C12orf42: variants seen among roughly 807,000 people sequenced by gnomAD.
The protein encoded by C12orf42 is chromosome 12 open reading frame 42.
C12orf42 carries 25 observed loss-of-function variants against 21.6 expected under a neutral mutation model. The ratio of observed to expected loss-of-function variants is 1.16; its 90% CI spans 0.84 to 1.62. The LOEUF (loss-of-function observed/expected upper bound fraction) is 1.62. C12orf42 is among the 40% of genes most tolerant of loss of function. The pLI is 0.00. For synonymous variants in C12orf42, 174 were observed against 175.0 expected (o/e 0.99, Z 0.05); for missense variants, 483 against 459.3 (o/e 1.05, Z -0.47).
intron 10 of C12orf42, among the ~76,000 whole-genome samples, chr12:103,243,772 G>T (rs1000759257): frequency 6.6e-6 from 1 of 152,094 alleles, no homozygotes; most frequent in Non-Finnish European, 1.5e-5. Flanking sequence ...GACAAAGTCA[G>T]GTCACTTGTG....
At chr12:103,468,625 G>A (rs149821961) in intron 2 of C12orf42, among the ~76,000 whole-genome samples, 11 of 151,946 alleles carry the variant, frequency 7.2e-5, no homozygotes, top group Non-Finnish European at 1.5e-4. Flanking sequence ...AGGAGGCAGC[G>A]ACTTTAGAAT....
intron 2 of C12orf42, among the ~76,000 whole-genome samples, chr12:103,474,784 G>T (rs960436862): frequency 6.6e-6 from 1 of 152,090 alleles, no homozygotes; most frequent in African/African-American, 2.4e-5. Flanking sequence ...CAAAGCCAGG[G>T]TTTACAAAAT....
the C12orf42 span, among the ~76,000 whole-genome samples, chr12:103,531,471 T>C: frequency 6.6e-6 from 1 of 152,146 alleles, no homozygotes; most frequent in African/African-American, 2.4e-5. Context: ...CTGTTTCCCT[T>C]GAATACAGTT....
At chr12:103,436,227 G>C (rs1002933264) in intron 2 of C12orf42, among the ~76,000 whole-genome samples, 5 of 149,902 alleles carry the variant, frequency 3.3e-5, no homozygotes, top group African/African-American at 1.2e-4. Context: ...CACCAGGCCT[G>C]CCCTAAAAGA....
chr12:103,506,495 CTT>C, the C12orf42 span, among the ~76,000 whole-genome samples: 1 of 151,768 alleles, frequency 6.6e-6, no homozygotes, highest in East Asian at 1.9e-4. Context: ...TGTACGTTTT[CTT>C]TGTTTAGATA....
the C12orf42 span, among the ~76,000 whole-genome samples, chr12:103,082,510 T>G: frequency 6.6e-6 from 1 of 152,246 alleles, no homozygotes; most frequent in Non-Finnish European, 1.5e-5. Context: ...CCTTGATTTA[T>G]TCAATAAATA....
chr12:103,547,452 G>A, the C12orf42 span, among the ~76,000 whole-genome samples: 7 of 152,200 alleles, frequency 4.6e-5, no homozygotes, highest in African/African-American at 1.4e-4. Context: ...GGTCGTGATT[G>A]TCTAAATTTA....
At chr12:103,254,282 A>T (rs1411206065) in intron 10 of C12orf42, among the ~76,000 whole-genome samples, 3 of 152,172 alleles carry the variant, frequency 2.0e-5, no homozygotes, top group Non-Finnish European at 4.4e-5. Flanking sequence ...AGATCAGGTA[A>T]CAAACCTGCA....
the C12orf42 span, among the ~76,000 whole-genome samples, chr12:103,204,176 G>A: frequency 6.6e-5 from 10 of 152,134 alleles, no homozygotes; most frequent in African/African-American, 2.2e-4. Context: ...AAATAACCTT[G>A]CTAATAGCCA....
the C12orf42 span, among the ~76,000 whole-genome samples, chr12:103,058,489 T>C: frequency 1.3e-5 from 2 of 152,214 alleles, no homozygotes; most frequent in African/African-American, 4.8e-5. Flanking sequence ...GTGGACCAAA[T>C]AGAAATCTAC....
chr12:103,235,870 T>C (rs1457250185), downstream of C12orf42, among the ~76,000 whole-genome samples: 6 of 152,162 alleles, frequency 3.9e-5, no homozygotes, highest in South Asian at 4.1e-4. Flanking sequence ...GCTTAAGACA[T>C]ATGCATGCAC....
At chr12:103,165,164 AC>A in the C12orf42 span, among the ~76,000 whole-genome samples, 2 of 152,208 alleles carry the variant, frequency 1.3e-5, no homozygotes, top group East Asian at 3.8e-4. Context: ...TATTTATGCC[AC>A]CTGAATCAAC....
At chr12:103,197,280 T>C in the C12orf42 span, among the ~76,000 whole-genome samples, 1,649 of 152,310 alleles carry the variant, frequency 0.011, 26 homozygotes, top group African/African-American at 0.037. Context: ...CTGCTAAAAG[T>C]TCTGATGTTA....
the C12orf42 span, among the ~76,000 whole-genome samples, chr12:103,191,570 A>AAAAAAAAAAC: frequency 1.9e-4 from 25 of 129,128 alleles, no homozygotes; most frequent in African/African-American, 6.5e-4. Context: ...AAAAAAAAAA[A>AAAAAAAAAAC]AAAATACAAA....
At chr12:103,521,874 C>T in the C12orf42 span, among the ~76,000 whole-genome samples, 4 of 152,154 alleles carry the variant, frequency 2.6e-5, no homozygotes, top group African/African-American at 9.7e-5. Flanking sequence ...TTGCTGTCTG[C>T]TCAAATAAAC....
At chr12:103,460,286 GA>G (rs1314677844) in intron 2 of C12orf42, among the ~76,000 whole-genome samples, 49 of 150,780 alleles carry the variant, frequency 3.2e-4, no homozygotes, top group African/African-American at 1.1e-3. Flanking sequence ...AAAAAAAAGA[GA>G]GAGAGAGAGA....
intron 4 of C12orf42, among the ~76,000 whole-genome samples, chr12:103,341,644 C>CA (rs1187622536): frequency 6.6e-6 from 1 of 152,136 alleles, no homozygotes; most frequent in Non-Finnish European, 1.5e-5. Flanking sequence ...AAGTAATACT[C>CA]ACAATGTAAG....
At chr12:103,357,084 G>A (rs2043643940) in intron 4 of C12orf42, among the ~76,000 whole-genome samples, 1 of 145,344 alleles carries the variant, frequency 6.9e-6, no homozygotes, top group Non-Finnish European at 1.5e-5. Flanking sequence ...ACTCATAGGT[G>A]GGAATTGAAC....
the C12orf42 span, among the ~76,000 whole-genome samples, chr12:103,075,148 TC>T: frequency 6.6e-6 from 1 of 152,200 alleles, no homozygotes; most frequent in African/African-American, 2.4e-5. Flanking sequence ...ATTATTTTTT[TC>T]AATAGCAAAA....
Sources: allele counts gnomAD v4.1 joint callset (sites outside exome capture counted in the v4.1 genomes callset), GRCh38; gene constraint gnomAD v4.1.1; transcripts MANE v1.5; gene names NCBI Gene and HGNC (gene_info 2026-07-23, HGNC 2026-07-21).